Variants in TUSC3 observed in about 807,000 individuals in gnomAD.
TUSC3 encodes dolichyl-diphosphooligosaccharide--protein glycosyltransferase subunit TUSC3.
Under a neutral mutation model 44.8 loss-of-function variants are expected in TUSC3, and 45 were observed. The ratio of observed to expected loss-of-function variants is 1.00; its 90% CI spans 0.79 to 1.29. TUSC3 has a LOEUF of 1.29. Among genes scored for constraint, TUSC3 ranks in the 50% most tolerant of loss-of-function variants. TUSC3 has a pLI of 0.00. For synonymous variants in TUSC3, 212 were observed against 152.9 expected, an observed-to-expected ratio of 1.39 and a Z score of -2.85; for missense variants, 519 against 437.9, an observed-to-expected ratio of 1.19 and a Z score of -1.65.
At chr8:15,437,492 A>C (rs1437111979) in intron 1 of TUSC3, among the ~76,000 whole-genome samples, 1 of 152,162 alleles carries the variant, frequency 6.6e-6, no homozygotes, top group African/African-American at 2.4e-5. Context: ...TTTGGTTTGA[A>C]TTTGAAGGAT....
intron 1 of TUSC3, among the ~76,000 whole-genome samples, chr8:15,462,633 T>G (rs531024477): frequency 2.0e-5 from 3 of 152,298 alleles, no homozygotes; most frequent in Admixed American, 2.0e-4. Context: ...AGATGGTAGA[T>G]CTTGTATAGA....
chr8:15,563,473 G>C (rs56318261), intron 1 of TUSC3, among the ~76,000 whole-genome samples: 8,771 of 152,068 alleles, frequency 0.058, 382 homozygotes, highest in African/African-American at 0.13. Context: ...GGATCACAAG[G>C]TCAGGAGTTT....
rs138919124 is a variant in TUSC3, at chr8:15,623,308, TTA to T, written c.308+61_308+62del. On this transcript the variant is annotated intron_variant, in intron 2 of 10. Coordinates refer to ENST00000503731, the MANE Select transcript of TUSC3 (RefSeq NM_006765.4). Reference sequence around the variant, plus strand: ...TTATTCTTGGTTTACATATATATTTTTATGTTCATTTTAAGATAAATATATGT... The same window carrying T: ...TTATTCTTGGTTTACATATATATTTTTGTTCATTTTAAGATAAATATATGT... 5.7e-4 allele frequency: 818 copies of T among 1,434,554 alleles called. 2 individuals carry two copies. The African/African-American group carries it at 9.2e-3, about 16-fold the overall frequency. The allele number at this position is 1,434,554 out of a possible 1,614,324, so 88.9% of individuals were successfully genotyped here.
chr8:15,694,367 G>A (rs1459297121), intron 6 of TUSC3, among the ~76,000 whole-genome samples: 2 of 149,240 alleles, frequency 1.3e-5, no homozygotes, highest in Non-Finnish European at 3.0e-5. Flanking sequence ...ACTTGAACCT[G>A]GGAGGCTGCA....
At chr8:15,787,970 T>C in the TUSC3 span, among the ~76,000 whole-genome samples, 1 of 152,154 alleles carries the variant, frequency 6.6e-6, no homozygotes, top group Non-Finnish European at 1.5e-5. Context: ...ATTCCTATTC[T>C]CTCTTATTTA....
At chr8:15,837,357 T>C in the TUSC3 span, among the ~76,000 whole-genome samples, 29 of 152,304 alleles carry the variant, frequency 1.9e-4, no homozygotes, top group African/African-American at 7.0e-4. Flanking sequence ...CACATTTAAA[T>C]GTATTGGATT....
chr8:15,721,952 T>G (rs141951520), intron 6 of TUSC3, among the ~76,000 whole-genome samples: 1 of 152,126 alleles, frequency 6.6e-6, no homozygotes, highest in African/African-American at 2.4e-5. Context: ...TAGTATAGTA[T>G]TATATTTTTG....
chr8:15,566,630 T>TTGTTG (rs1563293141), intron 1 of TUSC3, among the ~76,000 whole-genome samples: 3 of 150,128 alleles, frequency 2.0e-5, no homozygotes, highest in Non-Finnish European at 3.0e-5. Context: ...TGTTGTTGTT[T>TTGTTG]TTTTTTTGAG....
chr8:15,563,781 A>G (rs1320964519), intron 1 of TUSC3, among the ~76,000 whole-genome samples: 2 of 151,810 alleles, frequency 1.3e-5, no homozygotes, highest in African/African-American at 4.8e-5. Context: ...CTTAAATTGC[A>G]TGATACTGAG....
intron 1 of TUSC3, among the ~76,000 whole-genome samples, chr8:15,550,749 G>T (rs1802035563): frequency 6.6e-6 from 1 of 151,428 alleles, no homozygotes; most frequent in African/African-American, 2.4e-5. Context: ...TCATCTCACT[G>T]CAACCTCTGC....
intron 5 of TUSC3, among the ~76,000 whole-genome samples, chr8:15,670,484 G>C (rs920103258): frequency 6.6e-6 from 1 of 151,702 alleles, no homozygotes; most frequent in African/African-American, 2.4e-5. Context: ...GAGCCAACTG[G>C]ATATCCATAT....
At chr8:15,587,764 C>G (rs556958473) in intron 1 of TUSC3, among the ~76,000 whole-genome samples, 2 of 152,092 alleles carry the variant, frequency 1.3e-5, no homozygotes, top group Non-Finnish European at 2.9e-5. Flanking sequence ...CATAATTCTA[C>G]TCTCTACTAG....
intron 2 of TUSC3, among the ~76,000 whole-genome samples, chr8:15,633,051 T>C (rs1805890838): frequency 6.6e-6 from 1 of 152,208 alleles, no homozygotes. Flanking sequence ...TATTATTGCT[T>C]TGAGGCCTTT....
intron 1 of TUSC3, among the ~76,000 whole-genome samples, chr8:15,465,036 G>T (rs1448776318): frequency 3.3e-5 from 5 of 152,100 alleles, no homozygotes; most frequent in African/African-American, 1.2e-4. Context: ...TTTTAGTAGA[G>T]ACAGAGTTTC....
intron 2 of TUSC3, among the ~76,000 whole-genome samples, chr8:15,649,397 A>G (rs1806783310): frequency 6.6e-6 from 1 of 151,854 alleles, no homozygotes; most frequent in Non-Finnish European, 1.5e-5. Context: ...ATCCTGGCTA[A>G]CACGGTGAAA....
At chr8:15,544,359 A>G (rs1585086451) in intron 1 of TUSC3, among the ~76,000 whole-genome samples, 1 of 151,728 alleles carries the variant, frequency 6.6e-6, no homozygotes, top group African/African-American at 2.4e-5. Context: ...AATTATTTCC[A>G]GTACACTTAT....
chr8:15,700,610 G>A (rs183283426), intron 6 of TUSC3, among the ~76,000 whole-genome samples: 2 of 152,084 alleles, frequency 1.3e-5, no homozygotes, highest in Non-Finnish European at 2.9e-5. Context: ...TGTGAGTGTT[G>A]AGAAATGAGG....
intron 6 of TUSC3, among the ~76,000 whole-genome samples, chr8:15,684,150 T>C (rs540921375): frequency 8.5e-5 from 13 of 152,160 alleles, no homozygotes; most frequent in African/African-American, 3.1e-4. Context: ...GTTTCTGAGA[T>C]TTGGTGGTAA....
chr8:15,763,596 A>G (rs1351400665), intron 10 of TUSC3, among the ~76,000 whole-genome samples: 1 of 152,058 alleles, frequency 6.6e-6, no homozygotes, highest in African/African-American at 2.4e-5. Flanking sequence ...AAATTGATTT[A>G]CCATCTTACA....
Sources: gnomAD v4.1 joint callset for allele counts (sites outside exome capture counted in the v4.1 genomes callset) on GRCh38, gnomAD v4.1.1 for gene constraint, MANE v1.5 for transcripts, NCBI Gene and HGNC (gene_info 2026-07-23, HGNC 2026-07-21) for gene names.